The following ZNF385D variants were observed in gnomAD, a reference collection of about 807,000 sequenced individuals.
The protein encoded by ZNF385D is zinc finger protein 659.
In ZNF385D, 15 loss-of-function variants were observed where a neutral mutation model predicts 35.8. The ratio of observed to expected loss-of-function variants is 0.42; its 90% CI spans 0.28 to 0.64. ZNF385D has a LOEUF of 0.64. Among genes scored for constraint, ZNF385D ranks in the 30% least tolerant of loss-of-function variants. The pLI, the probability that ZNF385D is intolerant of heterozygous loss-of-function variation, is 0.23. For missense variants in ZNF385D, 474 were observed against 494.6 expected, an observed-to-expected ratio of 0.96 and a Z score of 0.39; for synonymous variants, 212 against 186.8, an observed-to-expected ratio of 1.13 and a Z score of -1.10.
At chr3:21,645,322 A>C (rs1253694962) in intron 2 of ZNF385D, among the ~76,000 whole-genome samples, 1 of 152,158 alleles carries the variant, frequency 6.6e-6, no homozygotes, top group African/African-American at 2.4e-5. Flanking sequence ...GTGAGATCAC[A>C]CTAGCAGCTG....
chr3:22,236,632 T>C (rs993229175), intron 2 of ZNF385D, among the ~76,000 whole-genome samples: 11 of 152,208 alleles, frequency 7.2e-5, no homozygotes, highest in African/African-American at 2.7e-4. Context: ...CACAAGGTTG[T>C]ACAATCATCA....
At chr3:22,304,032 C>T (rs1253866332) in intron 2 of ZNF385D, among the ~76,000 whole-genome samples, 1 of 152,168 alleles carries the variant, frequency 6.6e-6, no homozygotes, top group Non-Finnish European at 1.5e-5. Context: ...CCCACCTCGG[C>T]CTCCCAGTGT....
At chr3:22,041,047 G>T (rs917353340) in intron 3 of ZNF385D, among the ~76,000 whole-genome samples, 2 of 151,988 alleles carry the variant, frequency 1.3e-5, no homozygotes, top group Admixed American at 1.3e-4. Context: ...CAACATTAAA[G>T]GTAAACACAT....
intron 3 of ZNF385D, among the ~76,000 whole-genome samples, chr3:21,908,275 A>G (rs912893604): frequency 2.0e-5 from 3 of 152,084 alleles, no homozygotes; most frequent in African/African-American, 4.8e-5. Flanking sequence ...AGACGTAAGG[A>G]AAAGAAAAAT....
At chr3:22,212,476 C>A (rs1472543731) in intron 2 of ZNF385D, among the ~76,000 whole-genome samples, 1 of 151,992 alleles carries the variant, frequency 6.6e-6, no homozygotes, top group Non-Finnish European at 1.5e-5. Context: ...ACATTGTTGA[C>A]CTTTTGGAAG....
chr3:21,457,346 C>CGTT (rs34762256), intron 4 of ZNF385D, among the ~76,000 whole-genome samples: 3,428 of 150,702 alleles, frequency 0.023, 122 homozygotes, highest in Admixed American at 0.091. Flanking sequence ...TTGTTGTTGT[C>CGTT]GTTGTTGTTG....
intron 3 of ZNF385D, among the ~76,000 whole-genome samples, chr3:21,561,061 G>A (rs915586852): frequency 2.6e-5 from 4 of 152,190 alleles, no homozygotes; most frequent in African/African-American, 7.2e-5. Flanking sequence ...TTTCAAGCCC[G>A]TGGATCTTAG....
intron 4 of ZNF385D, among the ~76,000 whole-genome samples, chr3:21,484,926 A>G (rs987613609): frequency 4.6e-5 from 7 of 152,080 alleles, no homozygotes; most frequent in South Asian, 2.1e-4. Flanking sequence ...CAAACAAAAC[A>G]AAATAAAGGA....
At chr3:21,549,680 C>T (rs367558793) in intron 3 of ZNF385D, among the ~76,000 whole-genome samples, 1 of 152,116 alleles carries the variant, frequency 6.6e-6, no homozygotes, top group Admixed American at 6.5e-5. Flanking sequence ...TCACACAAGC[C>T]GAATGGCCCT....
intron 3 of ZNF385D, among the ~76,000 whole-genome samples, chr3:21,780,438 G>A (rs979877702): frequency 2.0e-5 from 3 of 151,790 alleles, no homozygotes; most frequent in African/African-American, 4.8e-5. Flanking sequence ...CAGCCCTCAC[G>A]TTCTTTCTCA....
intron 3 of ZNF385D, among the ~76,000 whole-genome samples, chr3:21,972,419 G>A (rs764633840): frequency 5.9e-5 from 9 of 151,734 alleles, no homozygotes; most frequent in Non-Finnish European, 1.0e-4. Context: ...AAAAACTTAC[G>A]GGACACAGCA....
At chr3:22,091,069 G>A (rs1306066460) in intron 3 of ZNF385D, among the ~76,000 whole-genome samples, 1 of 152,168 alleles carries the variant, frequency 6.6e-6, no homozygotes, top group Non-Finnish European at 1.5e-5. Context: ...GTTAGGCCAA[G>A]AAGCAGAGAA....
At chr3:21,624,743 T>A (rs113045132) in intron 2 of ZNF385D, among the ~76,000 whole-genome samples, 2,791 of 152,164 alleles carry the variant, frequency 0.018, 80 homozygotes, top group African/African-American at 0.059. Context: ...CAGGAAAACG[T>A]TGAGTCAGTT....
intron 2 of ZNF385D, among the ~76,000 whole-genome samples, chr3:22,345,089 C>T (rs1193053154): frequency 6.6e-6 from 1 of 152,164 alleles, no homozygotes; most frequent in Non-Finnish European, 1.5e-5. Context: ...ATACATTTCT[C>T]ACACATTGCT....
At chr3:21,742,559 G>T (rs148956528) in intron 1 of ZNF385D, among the ~76,000 whole-genome samples, 4 of 152,180 alleles carry the variant, frequency 2.6e-5, no homozygotes, top group African/African-American at 9.7e-5. Flanking sequence ...CCTCGGCTCA[G>T]TTCTACCAAT....
chr3:22,102,566 T>G (rs1244859448), intron 3 of ZNF385D, among the ~76,000 whole-genome samples: 2 of 152,020 alleles, frequency 1.3e-5, no homozygotes, highest in South Asian at 2.1e-4. Flanking sequence ...CCAGGAAGAT[T>G]AGCAACTTCT....
chr3:21,627,246 G>GGGGTGT (rs372796308), intron 2 of ZNF385D, among the ~76,000 whole-genome samples: 8 of 139,500 alleles, frequency 5.7e-5, no homozygotes, highest in South Asian at 4.8e-4. Context: ...AGAGGTGTAG[G>GGGGTGT]GTGTGTGTGT....
chr3:21,572,286 T>C (rs530120724), intron 2 of ZNF385D, among the ~76,000 whole-genome samples: 1 of 152,290 alleles, frequency 6.6e-6, no homozygotes, highest in East Asian at 1.9e-4. Context: ...CTTGTACTTT[T>C]GATACATAAT....
At chr3:21,908,768 T>C (rs1371843017) in intron 3 of ZNF385D, among the ~76,000 whole-genome samples, 1 of 152,058 alleles carries the variant, frequency 6.6e-6, no homozygotes, top group Non-Finnish European at 1.5e-5. Context: ...TCTTAACATT[T>C]TGAGGAATAA....
Sources: allele counts gnomAD v4.1 joint callset (sites outside exome capture counted in the v4.1 genomes callset), GRCh38; gene constraint gnomAD v4.1.1; transcripts MANE v1.5; gene names NCBI Gene and HGNC (gene_info 2026-07-23, HGNC 2026-07-21).